CFDP1: variants seen among roughly 807,000 people sequenced by gnomAD.
The protein encoded by CFDP1 is chromatin remodeling protein CFDP1.
A neutral mutation model predicts 40.1 loss-of-function variants in CFDP1; 31 were observed. That is an observed-to-expected ratio of 0.77 (90% confidence interval 0.58 to 1.04). The LOEUF (loss-of-function observed/expected upper bound fraction) is 1.04, where lower values mean the gene tolerates loss of function less well. Ranked by LOEUF, CFDP1 falls within the 50% of genes least tolerant of loss-of-function variation. The probability of loss-of-function intolerance (pLI) is 0.00; values close to 1 mark genes in which losing one functional copy is unlikely to be tolerated. For synonymous variants in CFDP1, 167 were observed against 120.0 expected, an observed-to-expected ratio of 1.39 and a Z score of -2.56; for missense variants, 423 against 343.4, an observed-to-expected ratio of 1.23 and a Z score of -1.83.
intron 1 of CFDP1, among the ~76,000 whole-genome samples, chr16:75,416,352 A>T (rs1162036021): frequency 6.6e-6 from 1 of 152,072 alleles, no homozygotes; most frequent in East Asian, 1.9e-4. Context: ...ATCCTGAAAG[A>T]GGTAAGAGAA....
intron 5 of CFDP1, among the ~76,000 whole-genome samples, chr16:75,336,876 T>C (rs1439585226): frequency 6.6e-6 from 1 of 152,244 alleles, no homozygotes; most frequent in East Asian, 1.9e-4. Context: ...TTAGCATCTT[T>C]TCTAATGTAT....
chr16:75,378,095 C>G (rs922058902), intron 5 of CFDP1, among the ~76,000 whole-genome samples: 2 of 152,170 alleles, frequency 1.3e-5, no homozygotes, highest in African/African-American at 2.4e-5. Context: ...CATGTGCTTC[C>G]TTTCTGACTG....
At chr16:75,352,007 CAA>C (rs3975153) in intron 5 of CFDP1, among the ~76,000 whole-genome samples, 3 of 86,786 alleles carry the variant, frequency 3.5e-5, no homozygotes, top group African/African-American at 1.7e-4. Flanking sequence ...GACTCTGTCT[CAA>C]AAAAAAAAAA....
intron 4 of CFDP1, among the ~76,000 whole-genome samples, chr16:75,405,452 C>G (rs990909766): frequency 6.6e-6 from 1 of 151,726 alleles, no homozygotes; most frequent in African/African-American, 2.4e-5. Context: ...CCCATCTATA[C>G]AAAAAACACA....
intron 5 of CFDP1, among the ~76,000 whole-genome samples, chr16:75,307,678 T>C (rs1037355409): frequency 2.6e-5 from 4 of 152,096 alleles, no homozygotes; most frequent in African/African-American, 9.7e-5. Flanking sequence ...CCCACCTCAG[T>C]CTCCTGAGGT....
chr16:75,307,863 T>A (rs1811828350), intron 5 of CFDP1, among the ~76,000 whole-genome samples: 1 of 152,234 alleles, frequency 6.6e-6, no homozygotes, highest in African/African-American at 2.4e-5. Context: ...TTAAGCCTTA[T>A]CTCAGCTTTA....
At chr16:75,348,321 A>C (rs1244814729) in intron 5 of CFDP1, among the ~76,000 whole-genome samples, 1 of 152,208 alleles carries the variant, frequency 6.6e-6, no homozygotes, top group Admixed American at 6.5e-5. Flanking sequence ...GTTTTGATAA[A>C]TGTACTAAGA....
rs904868557 is a variant in CFDP1 at position 75,389,991 on chromosome 16, G to A, written c.650+5099C>T. ...GGTTCACAGTATCATAATTAAACAC[G>A]TACATTTTCACGTACAACTCTAAGG... On this transcript the variant is annotated intron_variant, in intron 5 of 6. Transcript: ENST00000283882. Among the ~76,000 whole-genome samples the A allele has an allele frequency of 7.2e-5, 11 of 152,234 alleles. No individual in the cohort carries two copies. The East Asian group carries it at 1.5e-3, about 21-fold the overall frequency.
At chr16:75,329,971 T>C (rs938917604) in intron 5 of CFDP1, among the ~76,000 whole-genome samples, 1 of 152,192 alleles carries the variant, frequency 6.6e-6, no homozygotes, top group Non-Finnish European at 1.5e-5. Flanking sequence ...ACACCTGTTA[T>C]ATTTTTTAGT....
At chr16:75,324,587 C>T (rs563046226) in intron 5 of CFDP1, 1 of 151,998 alleles carries the variant, frequency 6.6e-6, no homozygotes, top group African/African-American at 2.4e-5. Flanking sequence ...ACTAAAAATA[C>T]AAAAATTAGC....
At chr16:75,377,124 T>TG (rs1046256041) in intron 5 of CFDP1, among the ~76,000 whole-genome samples, 30 of 151,440 alleles carry the variant, frequency 2.0e-4, no homozygotes, top group African/African-American at 7.3e-4. Context: ...AAGCCCCAAC[T>TG]GGGGGCTTGG....
intron 5 of CFDP1, among the ~76,000 whole-genome samples, chr16:75,380,516 A>G (rs2078843819): frequency 6.6e-6 from 1 of 152,110 alleles, no homozygotes; most frequent in Admixed American, 6.6e-5. Context: ...TAAGGCTAAA[A>G]GTGGAAAGTC....
intron 5 of CFDP1, among the ~76,000 whole-genome samples, chr16:75,351,333 T>C (rs920222662): frequency 1.3e-5 from 2 of 152,230 alleles, no homozygotes; most frequent in Non-Finnish European, 2.9e-5. Context: ...CCTAATGTCT[T>C]GAAATAATGT....
chr16:75,327,741 G>A (rs2078413092), intron 5 of CFDP1, among the ~76,000 whole-genome samples: 1 of 152,078 alleles, frequency 6.6e-6, no homozygotes, highest in Non-Finnish European at 1.5e-5. Flanking sequence ...TTATTATTTT[G>A]AGACAGTGTT....
intron 5 of CFDP1, among the ~76,000 whole-genome samples, chr16:75,329,051 G>T (rs1311785110): frequency 6.6e-6 from 1 of 152,014 alleles, no homozygotes; most frequent in African/African-American, 2.4e-5. Context: ...GTTTCTCCAT[G>T]TTGGTCAGGC....
chr16:75,318,703 C>T (rs975854764), intron 5 of CFDP1, among the ~76,000 whole-genome samples: 3 of 152,000 alleles, frequency 2.0e-5, no homozygotes, highest in Admixed American at 1.3e-4. Flanking sequence ...TGCGCCCGGC[C>T]GGCATGCTTT....
chr16:75,392,991 G>C (rs1387509934), intron 5 of CFDP1, among the ~76,000 whole-genome samples: 1 of 152,242 alleles, frequency 6.6e-6, no homozygotes, highest in East Asian at 1.9e-4. Context: ...AGATGTAACA[G>C]ATGAGGAAGT....
intron 1 of CFDP1, among the ~76,000 whole-genome samples, chr16:75,424,545 G>C (rs1327298542): frequency 6.6e-6 from 1 of 152,066 alleles, no homozygotes; most frequent in South Asian, 2.1e-4. Flanking sequence ...CACGAGGTCA[G>C]GAGATCAAGA....
chr16:75,346,671 G>C (rs573653824), intron 5 of CFDP1, among the ~76,000 whole-genome samples: 1 of 139,838 alleles, frequency 7.2e-6, no homozygotes, highest in Non-Finnish European at 1.5e-5. Flanking sequence ...TTATATAATC[G>C]ATATTGGATA....
Sources: gnomAD v4.1 joint callset for allele counts (sites outside exome capture counted in the v4.1 genomes callset) on GRCh38, gnomAD v4.1.1 for gene constraint, MANE v1.5 for transcripts, NCBI Gene and HGNC (gene_info 2026-07-23, HGNC 2026-07-21) for gene names.